Variants in NAV2 observed in about 807,000 individuals in gnomAD.
The protein encoded by NAV2 is neuron navigator 2, also known as helicase, APC down-regulated 1.
A neutral mutation model predicts 223.2 loss-of-function variants in NAV2; 54 were observed. The observed-to-expected ratio is 0.24, with a 90% confidence interval of 0.19 to 0.30. The LOEUF (loss-of-function observed/expected upper bound fraction) is 0.30. Ranked by LOEUF, NAV2 falls within the 10% of genes least tolerant of loss-of-function variation. NAV2 has a pLI of 1.00. For missense variants in NAV2, 2,806 were observed against 3,147.5 expected (o/e 0.89, Z 2.60); for synonymous variants, 1,279 against 1,239.3 (o/e 1.03, Z -0.67).
intron 1 of NAV2, among the ~76,000 whole-genome samples, chr11:19,655,747 TG>T (rs1441865473): frequency 2.2e-5 from 1 of 46,276 alleles, no homozygotes; most frequent in Non-Finnish European, 3.9e-5. Context: ...TGTTTTGGGG[TG>T]GGGGGAGGGG....
rs779400181 is a variant in NAV2, at chr11:19,934,094, C to T, written c.1850C>T (p.Ala617Val). 3.2e-5 allele frequency: 51 copies of T among 1,612,852 alleles called. No homozygotes were observed. Among genetic ancestry groups the T allele is most frequent in the Admixed American group, 6.7e-5 (4 of 59,812 alleles). Reference sequence around the variant, plus strand: ...CACTCCAGTTCCTCTTCCAGCCTGGCGTCCTCAGAAGGAAAAGGCCCAGGA... The same window carrying T: ...CACTCCAGTTCCTCTTCCAGCCTGGTGTCCTCAGAAGGAAAAGGCCCAGGA... Reference protein sequence around the residue: ...GRHSSSSSSLASSEGKGPGGT... With the variant: ...GRHSSSSSSLVSSEGKGPGGT... Residue 617 changes from alanine (A) to valine (V), a missense_variant, in exon 7 of 38, where the codon GCG becomes GTG. Transcript: ENST00000349880.
chr11:19,430,262 G>C (rs917257389), intron 1 of NAV2, among the ~76,000 whole-genome samples: 2 of 152,206 alleles, frequency 1.3e-5, no homozygotes, highest in Admixed American at 6.5e-5. Context: ...AATCACCTTT[G>C]CTGGGGCAGT....
chr11:19,984,293 AG>A (rs765903365), intron 11 of NAV2, 46 bp downstream of exon 11: 3 of 1,606,268 alleles, frequency 1.9e-6, no homozygotes, highest in Admixed American at 1.7e-5. Flanking sequence ...AGGTGATCCC[AG>A]GGGGGCCCTG....
intron 1 of NAV2, among the ~76,000 whole-genome samples, chr11:19,406,155 C>G (rs535153338): frequency 1.3e-5 from 2 of 152,194 alleles, no homozygotes; most frequent in South Asian, 2.1e-4. Flanking sequence ...ATTCTCCCCC[C>G]AGGTTACAGC....
intron 1 of NAV2, among the ~76,000 whole-genome samples, chr11:19,636,765 C>T (rs566580178): frequency 9.2e-5 from 14 of 152,164 alleles, no homozygotes; most frequent in Non-Finnish European, 1.6e-4. Flanking sequence ...CCACCGCACC[C>T]GGCCGAGTTC....
At chr11:19,620,066 T>C (rs1226231790) in intron 1 of NAV2, among the ~76,000 whole-genome samples, 1 of 152,178 alleles carries the variant, frequency 6.6e-6, no homozygotes, top group Non-Finnish European at 1.5e-5. Context: ...GATCAGATAG[T>C]TGTAGATGTG....
intron 1 of NAV2, among the ~76,000 whole-genome samples, chr11:19,466,263 T>A (rs1313307287): frequency 6.6e-6 from 1 of 152,230 alleles, no homozygotes; most frequent in Non-Finnish European, 1.5e-5. Flanking sequence ...TTTCCCCTCC[T>A]GTGACCTCGA....
intron 11 of NAV2, among the ~76,000 whole-genome samples, chr11:19,990,235 G>A (rs1328505022): frequency 3.9e-5 from 6 of 152,142 alleles, no homozygotes; most frequent in East Asian, 1.9e-4. Flanking sequence ...ATGCCCATTT[G>A]TGAATTCTGA....
At chr11:19,693,731 A>G (rs953283380) in intron 1 of NAV2, among the ~76,000 whole-genome samples, 2 of 152,152 alleles carry the variant, frequency 1.3e-5, no homozygotes, top group Non-Finnish European at 2.9e-5. Flanking sequence ...GTCTCAGCCT[A>G]GTAGAGCCCA....
Position 19,713,777 on chromosome 11 carries a change from C to T in NAV2, c.82C>T (p.Pro28Ser), listed in dbSNP as rs1292653194. Residue 28 changes from proline (P) to serine (S), a missense_variant, in exon 1 of 38, where the codon CCC (proline) becomes TCC (serine). By Grantham distance (74) the Pro-to-Ser change is moderately conservative (BLOSUM62 -1). This residue lies in a region of NAV2 where 1,167 missense variants were observed against 1,180.5 expected (regional missense o/e 0.99). Transcript: ENST00000349880. This position sits in a 1 kb window ranked among gnomAD's most constrained non-coding sequence, Gnocchi z 7.2. ...CAGCGCCGCGCCCATCCTGCACGTG[C>T]CCCCGGCCCGGGCGGGCCCCCAGCC... ...VHSAAPILHV[P>S]PARAGPQPCY... 1.2e-6 allele frequency: 2 copies of T among 1,612,572 alleles called. No individual in the cohort carries two copies. The highest frequency in any genetic ancestry group is 8.5e-7 in the Non-Finnish European group (1 of 1,179,638).
chr11:20,042,082 G>A (rs1442021215), intron 12 of NAV2, among the ~76,000 whole-genome samples: 1 of 152,160 alleles, frequency 6.6e-6, no homozygotes, highest in Non-Finnish European at 1.5e-5. Context: ...ACCCTCCGTG[G>A]TGCCTGGCAG....
rs563782702 is a variant in NAV2 at position 19,762,602 on chromosome 11, A to G, written c.267+48640A>G. 4.4e-3 allele frequency among the ~76,000 whole-genome samples: 647 copies of G among 148,248 alleles called. 3 individuals are homozygous for G. Among genetic ancestry groups the G allele is most frequent in the African/African-American group, 0.015 (616 of 40,108 alleles). ...ATCAGCATAGCTGTTACTTCAGCAG[A>G]GAAGTCTTCTTTTTTTTTTTTTTTT... is the stretch of plus-strand genomic sequence containing the variant. On this transcript the variant is annotated intron_variant, in intron 1 of 37. Transcript: ENST00000349880.
chr11:20,095,603 A>G, intron 29 of NAV2, 69 bp from the exon 30 acceptor site: 1 of 1,088,848 alleles, frequency 9.2e-7, no homozygotes, highest in South Asian at 1.3e-5. Flanking sequence ...AGGCAACCTG[A>G]GTCCTCTGCT....
intron 1 of NAV2, among the ~76,000 whole-genome samples, chr11:19,551,942 T>C (rs1182946693): frequency 6.6e-6 from 1 of 151,862 alleles, no homozygotes; most frequent in Non-Finnish European, 1.5e-5. Flanking sequence ...TCTCCTCTCC[T>C]TTCAAGAGGA....
intron 1 of NAV2, among the ~76,000 whole-genome samples, chr11:19,469,480 C>G (rs1405197467): frequency 1.3e-5 from 2 of 152,166 alleles, no homozygotes; most frequent in East Asian, 1.9e-4. Flanking sequence ...ACTGGTCCTA[C>G]TAATTAAAAC....
intron 1 of NAV2, chr11:19,714,634 C>A (rs1450425844): frequency 1.1e-5 from 4 of 369,828 alleles, no homozygotes; most frequent in Non-Finnish European, 2.1e-5. Flanking sequence ...GTGGCTGCCT[C>A]AGAATGGCGG....
chr11:20,049,979 GC>G (rs2057816984), intron 16 of NAV2, 78 bp downstream of exon 16: 10 of 1,439,770 alleles, frequency 6.9e-6, no homozygotes, highest in Non-Finnish European at 8.8e-6. Flanking sequence ...GATGTCTTGT[GC>G]GAGGCTGTTG....
rs1473328311 is a variant in NAV2 at position 19,933,477 on chromosome 11, A to C, written c.1233A>C (p.Lys411Asn). 6.2e-7 allele frequency: 1 copy of C among 1,610,776 alleles called. No individual in the cohort carries two copies. Among genetic ancestry groups the C allele is most frequent in the East Asian group, 2.2e-5 (1 of 44,836 alleles). Residue 411 changes from lysine to asparagine, a missense_variant, in exon 7 of 38, where the codon AAA becomes AAC. Lys to Asn is a moderately conservative substitution (Grantham distance 94). Transcript: ENST00000349880. This position sits in a 1 kb window ranked among gnomAD's most constrained non-coding sequence, Gnocchi z 4.3. ...AAAAGCTGAAACTTTTCAACAGTAA[A>C]GGGGGCTCAAAGGCAGGTGAGGGGC... is the stretch of plus-strand genomic sequence containing the variant. ...MLEKLKLFNS[K>N]GGSKAGEGPG...
At chr11:20,102,622 G>A (rs1270769754) in intron 32 of NAV2, among the ~76,000 whole-genome samples, 2 of 152,134 alleles carry the variant, frequency 1.3e-5, no homozygotes, top group Non-Finnish European at 2.9e-5. Context: ...ATGGCAGGCA[G>A]CCATCCTAGG....
Sources: allele counts gnomAD v4.1 joint callset (sites outside exome capture counted in the v4.1 genomes callset), GRCh38; gene constraint gnomAD v4.1.1; regional missense constraint gnomAD v4.1.1; non-coding constraint Gnocchi (gnomAD v3.1); transcripts MANE v1.5; gene names NCBI Gene and HGNC (gene_info 2026-07-23, HGNC 2026-07-21).